LRRC4C: variants seen among roughly 807,000 people sequenced by gnomAD.
The protein encoded by LRRC4C is leucine rich repeat containing 4C.
In LRRC4C, 5 loss-of-function variants were observed where a neutral mutation model predicts 33.6. The observed-to-expected ratio is 0.15, with a 90% CI of 0.08 to 0.31. The LOEUF is 0.31. Among genes scored for constraint, LRRC4C ranks in the 10% least tolerant of loss-of-function variants. The pLI is 1.00. For missense variants in LRRC4C, 560 were observed against 796.7 expected (o/e 0.70, Z 3.58); for synonymous variants, 329 against 302.0 (o/e 1.09, Z -0.93).
chr11:40,509,425 A>G (rs1955195786), intron 3 of LRRC4C, among the ~76,000 whole-genome samples: 2 of 152,172 alleles, frequency 1.3e-5, no homozygotes, highest in South Asian at 4.1e-4. Context: ...TTATTTTGCA[A>G]TTGAAGAAAA....
At chr11:40,910,489 A>C (rs1245026376) in intron 2 of LRRC4C, among the ~76,000 whole-genome samples, 3 of 152,248 alleles carry the variant, frequency 2.0e-5, no homozygotes, top group Non-Finnish European at 4.4e-5. Flanking sequence ...GGTCTAAAAA[A>C]GCAAATACGC....
intron 1 of LRRC4C, among the ~76,000 whole-genome samples, chr11:40,967,148 G>A (rs1851419054): frequency 6.6e-6 from 1 of 151,406 alleles, no homozygotes; most frequent in Non-Finnish European, 1.5e-5. Context: ...TTTTTAAAAA[G>A]AGAAAAGGAA....
intron 1 of LRRC4C, among the ~76,000 whole-genome samples, chr11:41,082,135 T>A (rs551098935): frequency 2.6e-5 from 4 of 152,162 alleles, no homozygotes; most frequent in African/African-American, 9.6e-5. Flanking sequence ...GCACCTTAAA[T>A]CAGTTCCCAG....
intron 1 of LRRC4C, among the ~76,000 whole-genome samples, chr11:40,995,596 T>C (rs1306800343): frequency 6.6e-6 from 1 of 152,214 alleles, no homozygotes; most frequent in Non-Finnish European, 1.5e-5. Context: ...TCCCTTGATG[T>C]CTATTGCTAT....
At chr11:40,616,214 C>T (rs556390088) in intron 3 of LRRC4C, among the ~76,000 whole-genome samples, 3 of 151,968 alleles carry the variant, frequency 2.0e-5, no homozygotes, top group African/African-American at 7.2e-5. Flanking sequence ...AATGAGATAC[C>T]ATCTCACACC....
In LRRC4C at chr11:40,951,534, C is replaced by A. The variant is rs896911372; in HGVS notation, c.-495-17811G>T. 2.0e-5 allele frequency among the ~76,000 whole-genome samples: 3 copies of A among 151,964 alleles called. No homozygotes were observed. In the East Asian group the frequency reaches 5.8e-4, roughly 29 times the overall value. Reference sequence around the variant, plus strand: ...ACACACATTGTATTGCATACAGAAACTGTACAGATATCAATTTTGTTGCCC... The same window carrying A: ...ACACACATTGTATTGCATACAGAAAATGTACAGATATCAATTTTGTTGCCC... On this transcript the variant is annotated intron_variant, in intron 1 of 6. Transcript: ENST00000528697.
intron 1 of LRRC4C, among the ~76,000 whole-genome samples, chr11:41,243,042 C>G (rs78387858): frequency 6.6e-6 from 1 of 152,072 alleles, no homozygotes; most frequent in Non-Finnish European, 1.5e-5. Flanking sequence ...AAATTATGAC[C>G]CTCTGTTAAA....
intron 1 of LRRC4C, among the ~76,000 whole-genome samples, chr11:41,223,557 T>TG (rs1411044343): frequency 6.6e-6 from 1 of 152,198 alleles, no homozygotes; most frequent in African/African-American, 2.4e-5. Context: ...CAGGTCAATA[T>TG]GGAGAAGTAC....
chr11:40,431,842 G>A (rs1950948805), intron 3 of LRRC4C, among the ~76,000 whole-genome samples: 2 of 152,078 alleles, frequency 1.3e-5, no homozygotes, highest in South Asian at 4.1e-4. Flanking sequence ...TACTACGCAG[G>A]ACTTTCCTAT....
At chr11:40,205,254 C>T (rs1331429068) in intron 5 of LRRC4C, among the ~76,000 whole-genome samples, 9 of 152,118 alleles carry the variant, frequency 5.9e-5, no homozygotes, top group East Asian at 1.9e-4. Flanking sequence ...ATAAAATTTA[C>T]GGTGTGATAA....
At chr11:40,237,255 A>G (rs1046552183) in intron 5 of LRRC4C, among the ~76,000 whole-genome samples, 13 of 152,170 alleles carry the variant, frequency 8.5e-5, no homozygotes, top group Non-Finnish European at 2.9e-5. Flanking sequence ...CTTTTACCCA[A>G]TTCTCATCTT....
chr11:40,151,367 C>T (rs1202005484), intron 5 of LRRC4C, among the ~76,000 whole-genome samples: 1 of 152,152 alleles, frequency 6.6e-6, no homozygotes, highest in African/African-American at 2.4e-5. Context: ...AATTATACAG[C>T]AATTCTTATC....
chr11:41,092,738 T>A (rs1940515457), intron 1 of LRRC4C, among the ~76,000 whole-genome samples: 1 of 152,256 alleles, frequency 6.6e-6, no homozygotes. Context: ...ATCCTGCTTT[T>A]AGTCTAACTA....
chr11:40,212,294 G>A (rs1863658664), intron 5 of LRRC4C, among the ~76,000 whole-genome samples: 1 of 152,008 alleles, frequency 6.6e-6, no homozygotes. Flanking sequence ...ATTTTACTAA[G>A]TCCTGCATAA....
chr11:40,509,209 A>T (rs1325402949), intron 3 of LRRC4C, among the ~76,000 whole-genome samples: 1 of 152,186 alleles, frequency 6.6e-6, no homozygotes, highest in Non-Finnish European at 1.5e-5. Context: ...ATAATTCTGC[A>T]GGAAATCAGA....
intron 1 of LRRC4C, among the ~76,000 whole-genome samples, chr11:40,947,628 C>T (rs1493066): frequency 0.98 from 148,819 of 152,134 alleles, 72,889 homozygotes; most frequent in East Asian, 1. Flanking sequence ...GGCATTCTCA[C>T]AGGTCACCAG....
At chr11:40,720,460 C>T (rs979499607) in intron 2 of LRRC4C, among the ~76,000 whole-genome samples, 6 of 152,112 alleles carry the variant, frequency 3.9e-5, no homozygotes, top group Non-Finnish European at 4.4e-5. Context: ...TTGATCTTTG[C>T]CATCAAGTTC....
intron 1 of LRRC4C, among the ~76,000 whole-genome samples, chr11:41,088,218 C>A (rs1277730750): frequency 2.0e-5 from 3 of 152,006 alleles, no homozygotes; most frequent in African/African-American, 4.8e-5. Context: ...GCTCAACCAG[C>A]AAAAATATCA....
At chr11:40,183,582 G>A (rs1450673782) in intron 5 of LRRC4C, among the ~76,000 whole-genome samples, 3 of 152,112 alleles carry the variant, frequency 2.0e-5, no homozygotes, top group African/African-American at 7.2e-5. Flanking sequence ...TTTATGGACT[G>A]GAAAGTGGCT....
Sources: gnomAD v4.1 joint callset for allele counts (sites outside exome capture counted in the v4.1 genomes callset) on GRCh38, gnomAD v4.1.1 for gene constraint, MANE v1.5 for transcripts, NCBI Gene and HGNC (gene_info 2026-07-23, HGNC 2026-07-21) for gene names.